GRXCR1: variants seen among roughly 807,000 people sequenced by gnomAD.
The protein encoded by GRXCR1 is glutaredoxin domain-containing cysteine-rich protein 1.
Under a neutral mutation model 27.3 loss-of-function variants are expected in GRXCR1, and 27 were observed. The ratio of observed to expected loss-of-function variants is 0.99; its 90% CI spans 0.73 to 1.37. The LOEUF (loss-of-function observed/expected upper bound fraction) is 1.37. Among genes scored for constraint, GRXCR1 ranks in the 40% most tolerant of loss-of-function variants. GRXCR1 has a pLI of 0.00. For missense variants in GRXCR1, 379 were observed against 354.4 expected (o/e 1.07, Z -0.56); for synonymous variants, 122 against 131.1 (o/e 0.93, Z 0.47).
chr4:42,921,801 CTGACT>C (rs1239135176), intron 1 of GRXCR1, among the ~76,000 whole-genome samples: 2 of 152,066 alleles, frequency 1.3e-5, no homozygotes, highest in African/African-American at 4.8e-5. Context: ...TTCTCTATTG[CTGACT>C]TGACTTAGGG....
Position 43,020,360 on chromosome 4 carries a change from G to A in GRXCR1, c.634G>A (p.Glu212Lys). 1.2e-6 allele frequency: 2 copies of A among 1,608,108 alleles called. No homozygotes were observed. The highest frequency in any genetic ancestry group is 1.7e-6 in the Non-Finnish European group (2 of 1,174,672). Residue 212 changes from glutamate to lysine, a missense_variant, in exon 3 of 4, where the codon GAG (glutamate) becomes AAG (lysine). Glu to Lys is a moderately conservative substitution (Grantham distance 56). Coordinates refer to ENST00000399770, the MANE Select transcript of GRXCR1 (RefSeq NM_001080476.3). ...FIDGHYLGGA[E>K]KILSMNESGE... is the part of the protein sequence containing the mutation. Reference sequence around the variant, plus strand: ...TACTCTCTCTCGTTAATAGGGTGCTGAGAAAATTTTGTCAATGAATGAATC... The same window carrying A: ...TACTCTCTCTCGTTAATAGGGTGCTAAGAAAATTTTGTCAATGAATGAATC...
At position 42,974,589 on chromosome 4, in the gene GRXCR1, T is replaced by C. The variant is rs112645187; in HGVS notation, c.627+11455T>C. Among the ~76,000 whole-genome samples, 540 of 152,216 alleles carry C rather than the reference T, an allele frequency of 3.5e-3. 5 individuals are homozygous for C. Among genetic ancestry groups the C allele is most frequent in the African/African-American group, 0.011 (452 of 41,542 alleles). Reference sequence around the variant, plus strand: ...CCAACTTCTTTCCTGATTAATTTTATGAAGTTTATAGGGCCGGTTTCAGTC... The same window carrying C: ...CCAACTTCTTTCCTGATTAATTTTACGAAGTTTATAGGGCCGGTTTCAGTC... On this transcript the variant is annotated intron_variant, in intron 2 of 3. Transcript: ENST00000399770.
At chr4:42,974,875 G>A (rs1748474962) in intron 2 of GRXCR1, among the ~76,000 whole-genome samples, 1 of 152,104 alleles carries the variant, frequency 6.6e-6, no homozygotes, top group African/African-American at 2.4e-5. Context: ...CCTATTGTCA[G>A]AATTGTGAGT....
chr4:42,940,661 A>T (rs771024838), intron 1 of GRXCR1, among the ~76,000 whole-genome samples: 2 of 152,086 alleles, frequency 1.3e-5, no homozygotes, highest in Admixed American at 1.3e-4. Context: ...AACTTTTCTG[A>T]TTTTGTTATT....
At chr4:42,940,161 A>G (rs952447921) in intron 1 of GRXCR1, among the ~76,000 whole-genome samples, 1 of 151,942 alleles carries the variant, frequency 6.6e-6, no homozygotes, top group Non-Finnish European at 1.5e-5. Flanking sequence ...CCTGGAGGTA[A>G]AACCCTGGAA....
chr4:43,021,115 T>G (rs1309981583), intron 3 of GRXCR1, among the ~76,000 whole-genome samples: 1 of 152,218 alleles, frequency 6.6e-6, no homozygotes, highest in Admixed American at 6.5e-5. Context: ...AGTATCTATA[T>G]GTCACTACTG....
intron 2 of GRXCR1, among the ~76,000 whole-genome samples, chr4:42,977,771 T>G (rs1748558240): frequency 6.6e-6 from 1 of 152,030 alleles, no homozygotes; most frequent in South Asian, 2.1e-4. Context: ...CTCACTCTGT[T>G]GATAGTTTTT....
rs1401102792 is a variant in GRXCR1, at chr4:42,969,246, T to C, written c.627+6112T>C. ...TGTGAAAGTATTTAACATCTGCATG[T>C]GAGAAGTAATTTTTAAATTTTGGGG... On this transcript the variant is annotated intron_variant, in intron 2 of 3. Transcript: ENST00000399770. Among the ~76,000 whole-genome samples the C allele has an allele frequency of 2.0e-5, 3 of 152,202 alleles. No individual in the cohort carries two copies. In the East Asian group the frequency reaches 5.8e-4, roughly 29 times the overall value.
At position 42,982,683 on chromosome 4, in the gene GRXCR1, G is replaced by A. The variant is rs1369323767; in HGVS notation, c.627+19549G>A. 2.9e-5 allele frequency among the ~76,000 whole-genome samples: 4 copies of A among 139,198 alleles called. No individual in the cohort carries two copies. In the East Asian group the frequency reaches 6.5e-4, roughly 23 times the overall value. 91.3% of individuals were successfully genotyped at this position (139,198 alleles called of 152,430 possible). A position where few individuals can be genotyped will look rare whatever the true frequency, so the allele number is the denominator to read the frequency against. The stretch of plus-strand genomic sequence containing the variant: ...TTACAGTCCCACCAACAGTGTAAAA[G>A]TGTTCCTGTTTCTCCACATCCTCTC... On this transcript the variant is annotated intron_variant, in intron 2 of 3. Transcript: ENST00000399770.
intron 2 of GRXCR1, among the ~76,000 whole-genome samples, chr4:43,010,760 G>C (rs759715046): frequency 2.0e-5 from 3 of 152,134 alleles, no homozygotes; most frequent in Non-Finnish European, 4.4e-5. Context: ...AGTTGACAGT[G>C]TGATTTTTAA....
At chr4:42,908,846 G>A (rs1176333491) in intron 1 of GRXCR1, among the ~76,000 whole-genome samples, 2 of 152,172 alleles carry the variant, frequency 1.3e-5, no homozygotes, top group East Asian at 3.9e-4. Context: ...TTGGTTGCCA[G>A]GGATTCTGAG....
At chr4:42,985,418 G>C (rs1223050732) in intron 2 of GRXCR1, among the ~76,000 whole-genome samples, 1 of 152,038 alleles carries the variant, frequency 6.6e-6, no homozygotes, top group Non-Finnish European at 1.5e-5. Context: ...CTGAATCCTG[G>C]AAAATACATA....
chr4:42,918,959 A>T (rs1279106031), intron 1 of GRXCR1, among the ~76,000 whole-genome samples: 1 of 152,178 alleles, frequency 6.6e-6, no homozygotes, highest in Non-Finnish European at 1.5e-5. Flanking sequence ...TCAAAACACA[A>T]GAATTTATTA....
intron 1 of GRXCR1, among the ~76,000 whole-genome samples, chr4:42,912,400 A>G (rs1026475876): frequency 6.6e-6 from 1 of 152,228 alleles, no homozygotes; most frequent in Non-Finnish European, 1.5e-5. Context: ...TTTGCTTTCA[A>G]TACATTTGGA....
At chr4:42,985,637 A>G (rs1048612412) in intron 2 of GRXCR1, among the ~76,000 whole-genome samples, 50 of 151,716 alleles carry the variant, frequency 3.3e-4, no homozygotes, top group African/African-American at 1.0e-3. Flanking sequence ...TATATTAAAT[A>G]TATTAAAAAT....
chr4:42,915,474 C>G (rs538864677), intron 1 of GRXCR1, among the ~76,000 whole-genome samples: 1 of 151,916 alleles, frequency 6.6e-6, no homozygotes, highest in Non-Finnish European at 1.5e-5. Flanking sequence ...TTTTTTTCCT[C>G]CTTTTTTAGT....
At chr4:43,015,629 C>A (rs1712907507) in intron 2 of GRXCR1, among the ~76,000 whole-genome samples, 1 of 151,936 alleles carries the variant, frequency 6.6e-6, no homozygotes, top group Non-Finnish European at 1.5e-5. Flanking sequence ...CCATAGCTAC[C>A]ATTTTGAGAT....
At chr4:42,915,983 T>A (rs1746875465) in intron 1 of GRXCR1, among the ~76,000 whole-genome samples, 1 of 151,752 alleles carries the variant, frequency 6.6e-6, no homozygotes, top group Non-Finnish European at 1.5e-5. Flanking sequence ...CTTGGAAAAA[T>A]GACTTTGAAC....
intron 2 of GRXCR1, among the ~76,000 whole-genome samples, chr4:42,974,896 A>G (rs1373668311): frequency 6.6e-6 from 1 of 152,106 alleles, no homozygotes; most frequent in Non-Finnish European, 1.5e-5. Context: ...TAAATTTCAA[A>G]AGTCCTTGTA....
Sources: allele counts gnomAD v4.1 joint callset (sites outside exome capture counted in the v4.1 genomes callset), GRCh38; gene constraint gnomAD v4.1.1; transcripts MANE v1.5; gene names NCBI Gene and HGNC (gene_info 2026-07-23, HGNC 2026-07-21).